The following LEPR variants were observed in gnomAD, a reference collection of about 807,000 sequenced individuals.
LEPR encodes leptin receptor, also known as OB receptor.
LEPR carries 56 observed loss-of-function variants against 114.7 expected under a neutral mutation model. That is an observed-to-expected ratio of 0.49 (90% CI 0.39 to 0.61). The LOEUF is 0.61. Ranked by LOEUF, LEPR falls within the 20% of genes least tolerant of loss-of-function variation. The probability of loss-of-function intolerance (pLI) is 0.00; values close to 1 mark genes in which losing one functional copy is unlikely to be tolerated. For synonymous variants in LEPR, 443 were observed against 461.4 expected (o/e 0.96, Z 0.51); for missense variants, 1,202 against 1,352.9 (o/e 0.89, Z 1.75).
chr1:65,466,732 T>C (rs1054062285), intron 2 of LEPR, among the ~76,000 whole-genome samples: 7 of 152,236 alleles, frequency 4.6e-5, no homozygotes, highest in African/African-American at 1.7e-4. Context: ...TTCTTTTTAC[T>C]CTTTTTTCTC....
At chr1:65,464,109 C>T (rs960620484) in intron 2 of LEPR, among the ~76,000 whole-genome samples, 4 of 152,174 alleles carry the variant, frequency 2.6e-5, no homozygotes, top group Non-Finnish European at 4.4e-5. Flanking sequence ...TGCTGGTTTT[C>T]AAAGGGAATG....
chr1:65,529,345 C>A (rs1438080656), intron 2 of LEPR, among the ~76,000 whole-genome samples: 1 of 151,646 alleles, frequency 6.6e-6, no homozygotes, highest in Non-Finnish European at 1.5e-5. Context: ...ATGGTGAAAT[C>A]CCATCTCTAC....
chr1:65,450,723 G>T (rs1646773220), intron 2 of LEPR, among the ~76,000 whole-genome samples: 1 of 145,696 alleles, frequency 6.9e-6, no homozygotes, highest in Admixed American at 6.9e-5. Flanking sequence ...TGTGAATAAT[G>T]CCGCAATAAA....
Position 65,633,520 on chromosome 1 carries a change from C to T in LEPR, c.2674-2671C>T. Reference sequence around the variant, plus strand: ...CTGTCATTACATATCTATTAAATGTCATCAAATATGTAGTAGACAATGCTG... The same window carrying T: ...CTGTCATTACATATCTATTAAATGTTATCAAATATGTAGTAGACAATGCTG... On this transcript the variant is annotated intron_variant, in intron 19 of 19. Coordinates refer to ENST00000349533, the MANE Select transcript of LEPR (RefSeq NM_002303.6). This position sits in a 1 kb window ranked among gnomAD's most constrained non-coding sequence, Gnocchi z 4.1. 8.4e-6 allele frequency: 9 copies of T among 1,072,414 alleles called. No homozygotes were observed. Among genetic ancestry groups the T allele is most frequent in the Non-Finnish European group, 1.0e-5 (9 of 884,148 alleles). 66.4% of individuals were successfully genotyped at this position (1,072,414 alleles called of 1,614,324 possible).
intron 2 of LEPR, among the ~76,000 whole-genome samples, chr1:65,528,234 T>C (rs1347081318): frequency 6.6e-6 from 1 of 151,816 alleles, no homozygotes; most frequent in African/African-American, 2.4e-5. Context: ...ACACACCCAC[T>C]TAAAGAGTAT....
chr1:65,618,016 T>C lies in LEPR; in HGVS notation c.2265T>C (p.Ile755=). 1 of 1,613,124 alleles carries C rather than the reference T, an allele frequency of 6.2e-7. No individual in the cohort carries two copies. The highest frequency in any genetic ancestry group is 1.1e-5 in the South Asian group (1 of 90,984). Residue 755 remains isoleucine (I), a synonymous_variant, in exon 16 of 20, where the codon ATT becomes ATC. Coordinates refer to ENST00000349533, the MANE Select transcript of LEPR (RefSeq NM_002303.6). ...ATCCTTTAAACAGCAGTTGTGTGATTGTTTCCTGGATACTATCACCCAGTG... is the reference window on the plus strand; with the variant it reads ...ATCCTTTAAACAGCAGTTGTGTGATCGTTTCCTGGATACTATCACCCAGTG... ...SAYPLNSSCV[I]VSWILSPSDY...
intron 2 of LEPR, among the ~76,000 whole-genome samples, chr1:65,516,587 C>T (rs531642960): frequency 1.7e-4 from 26 of 152,328 alleles, no homozygotes; most frequent in Admixed American, 3.3e-4. Context: ...TGTCAAGTGA[C>T]CCCCAAAATT....
chr1:65,497,875 T>C (rs186946738), intron 2 of LEPR, among the ~76,000 whole-genome samples: 2 of 152,282 alleles, frequency 1.3e-5, no homozygotes, highest in African/African-American at 2.4e-5. Context: ...TAAAAAAAAT[T>C]CAAGTTAAAT....
At chr1:65,545,816 A>G (rs1350182335) in intron 2 of LEPR, among the ~76,000 whole-genome samples, 1 of 151,574 alleles carries the variant, frequency 6.6e-6, no homozygotes, top group Admixed American at 6.6e-5. Context: ...GTTTAATGAG[A>G]TCTCATTTGT....
At chr1:65,497,413 C>A (rs937150475) in intron 2 of LEPR, among the ~76,000 whole-genome samples, 2 of 152,112 alleles carry the variant, frequency 1.3e-5, no homozygotes, top group Non-Finnish European at 2.9e-5. Context: ...AAGGCAGAAT[C>A]CAAGTTTTTA....
At chr1:65,483,601 C>G (rs1176148841) in intron 2 of LEPR, among the ~76,000 whole-genome samples, 1 of 152,192 alleles carries the variant, frequency 6.6e-6, no homozygotes, top group Non-Finnish European at 1.5e-5. Flanking sequence ...CCTACCAGGA[C>G]TTGGTATGTA....
At position 65,589,730 on chromosome 1, in the gene LEPR, T is replaced by G. The variant is rs1032755909; in HGVS notation, c.495-2927T>G. On this transcript the variant is annotated intron_variant, in intron 5 of 19. Coordinates refer to ENST00000349533, the MANE Select transcript of LEPR (RefSeq NM_002303.6). ...GCCTTTGTAGAAAATCAGTTGTCCA[T>G]GTAAGTGTTAGTCTATTCTAGACTC... Among the ~76,000 whole-genome samples, 11 of 152,112 alleles carry G rather than the reference T, an allele frequency of 7.2e-5. No homozygotes were observed. The highest frequency in any genetic ancestry group is 1.3e-4 in the Admixed American group (2 of 15,260).
intron 2 of LEPR, among the ~76,000 whole-genome samples, chr1:65,465,219 A>G (rs146512630): frequency 1.9e-3 from 289 of 152,206 alleles, no homozygotes; most frequent in Non-Finnish European, 2.6e-3. Flanking sequence ...ATTCTGGTAC[A>G]TTGTGTCTAT....
chr1:65,427,588 A>G (rs1246460951), intron 2 of LEPR, among the ~76,000 whole-genome samples: 1 of 152,102 alleles, frequency 6.6e-6, no homozygotes, highest in Non-Finnish European at 1.5e-5. Flanking sequence ...AAAAATTAAA[A>G]TGGCAGACAT....
chr1:65,469,516 C>T (rs780986836), intron 2 of LEPR, among the ~76,000 whole-genome samples: 6 of 152,130 alleles, frequency 3.9e-5, no homozygotes, highest in African/African-American at 7.2e-5. Flanking sequence ...ACTAAATACT[C>T]GGGTTCTCTT....
intron 19 of LEPR, chr1:65,634,663 T>G (rs1225642187): frequency 9.2e-6 from 9 of 978,094 alleles, no homozygotes; most frequent in Non-Finnish European, 1.1e-5. Flanking sequence ...AAACACATCA[T>G]TTGAAGGACA....
At chr1:65,477,815 C>G (rs1041882978) in intron 2 of LEPR, among the ~76,000 whole-genome samples, 14 of 152,208 alleles carry the variant, frequency 9.2e-5, no homozygotes, top group Non-Finnish European at 1.9e-4. Flanking sequence ...ACATCTTTCT[C>G]TCACCCAGAT....
intron 4 of LEPR, 149 bp downstream of exon 4, chr1:65,570,951 T>A: frequency 1.5e-6 from 1 of 666,332 alleles, no homozygotes; most frequent in East Asian, 3.2e-5. Flanking sequence ...GTGAACAAAC[T>A]AATAAATAAT....
At chr1:65,630,436 A>G (rs1206271166) in intron 19 of LEPR, 1 of 151,510 alleles carries the variant, frequency 6.6e-6, no homozygotes, top group African/African-American at 2.4e-5. Context: ...AGAAAAAAAA[A>G]TTCTCCTCAT....
Sources: allele counts gnomAD v4.1 joint callset (sites outside exome capture counted in the v4.1 genomes callset), GRCh38; gene constraint gnomAD v4.1.1; non-coding constraint Gnocchi (gnomAD v3.1); transcripts MANE v1.5; gene names NCBI Gene and HGNC (gene_info 2026-07-23, HGNC 2026-07-21).